NELL1: variants seen among roughly 807,000 people sequenced by gnomAD.
NELL1 encodes the protein neural EGFL like 1.
A neutral mutation model predicts 107.4 loss-of-function variants in NELL1; 76 were observed. The observed-to-expected ratio is 0.71, with a 90% CI of 0.59 to 0.86. The LOEUF (loss-of-function observed/expected upper bound fraction) is 0.86. Among genes scored for constraint, NELL1 ranks in the 40% least tolerant of loss-of-function variants. The probability of loss-of-function intolerance (pLI) is 0.00; values close to 1 mark genes in which losing one functional copy is unlikely to be tolerated. For missense variants in NELL1, 1,024 were observed against 1,005.5 expected (o/e 1.02, Z -0.25); for synonymous variants, 353 against 341.2 (o/e 1.03, Z -0.38).
intron 14 of NELL1, among the ~76,000 whole-genome samples, chr11:21,350,962 TA>T (rs1850797854): frequency 6.6e-6 from 1 of 152,084 alleles, no homozygotes; most frequent in African/African-American, 2.4e-5. Flanking sequence ...GTAGTTAAGT[TA>T]AAGATCTTAA....
intron 4 of NELL1, among the ~76,000 whole-genome samples, chr11:20,848,832 T>C (rs1848746968): frequency 6.6e-6 from 1 of 152,222 alleles, no homozygotes; most frequent in Admixed American, 6.5e-5. Context: ...CAGGGAACTG[T>C]TGTCAGGCTC....
chr11:21,575,411 T>C lies in NELL1; in HGVS notation c.*389T>C. ...GAGACTCAGCTCCTTTTATTTATTT[T>C]GTTGATTTATGGATCAAATTCTAAA... On this transcript the variant is annotated 3_prime_UTR_variant, in exon 20 of 20. Transcript: ENST00000357134. The C allele has an allele frequency of 5.9e-6, 1 of 169,146 alleles. No homozygotes were observed. The highest frequency in any genetic ancestry group is 1.6e-4 in the South Asian group (1 of 6,236). 10.5% of individuals were successfully genotyped at this position (169,146 alleles called of 1,614,324 possible). A position where few individuals can be genotyped will look rare whatever the true frequency, so the allele number is the denominator to read the frequency against.
intron 7 of NELL1, among the ~76,000 whole-genome samples, chr11:20,924,103 A>T (rs1169429379): frequency 6.6e-6 from 1 of 152,238 alleles, no homozygotes; most frequent in Admixed American, 6.5e-5. Flanking sequence ...GAATCTGCAG[A>T]CAATCTTAGA....
At chr11:21,275,416 C>A (rs1442570916) in intron 14 of NELL1, among the ~76,000 whole-genome samples, 2 of 152,178 alleles carry the variant, frequency 1.3e-5, no homozygotes, top group East Asian at 3.9e-4. Context: ...TAATAGCTTA[C>A]CAACCAAAAA....
chr11:20,974,213 G>A (rs1851558437), intron 12 of NELL1, among the ~76,000 whole-genome samples: 1 of 152,204 alleles, frequency 6.6e-6, no homozygotes, highest in South Asian at 2.1e-4. Flanking sequence ...CTGGTGGTAT[G>A]AGGTGGGACA....
intron 2 of NELL1, among the ~76,000 whole-genome samples, chr11:20,695,265 C>A (rs548040291): frequency 1.3e-5 from 2 of 152,106 alleles, no homozygotes; most frequent in South Asian, 2.1e-4. Context: ...TTTTTCTTTT[C>A]CTATTTGGAT....
chr11:20,991,518 A>C (rs1851970728), intron 12 of NELL1, among the ~76,000 whole-genome samples: 1 of 152,236 alleles, frequency 6.6e-6, no homozygotes, highest in Admixed American at 6.5e-5. Flanking sequence ...GTTCAGCTAG[A>C]TCTTGGGCTA....
chr11:20,976,510 G>T (rs1314917107), intron 12 of NELL1, among the ~76,000 whole-genome samples: 1 of 152,024 alleles, frequency 6.6e-6, no homozygotes, highest in African/African-American at 2.4e-5. Flanking sequence ...ATTTCTTAAA[G>T]TTTATTCCAT....
At chr11:21,380,933 T>C (rs1851591919) in intron 15 of NELL1, among the ~76,000 whole-genome samples, 3 of 152,078 alleles carry the variant, frequency 2.0e-5, no homozygotes, top group Non-Finnish European at 4.4e-5. Context: ...TTTACATTAA[T>C]CTACTATACA....
intron 2 of NELL1, among the ~76,000 whole-genome samples, chr11:20,782,155 A>C (rs1856863796): frequency 6.6e-6 from 1 of 152,152 alleles, no homozygotes. Context: ...TGTCATCTGG[A>C]ATATCTTTGG....
rs142632731 is a variant in NELL1, at chr11:20,683,766, G to A, written c.184+5706G>A. Among the ~76,000 whole-genome samples the A allele has an allele frequency of 5.7e-3, 874 of 152,116 alleles. 5 individuals carry two copies. Among genetic ancestry groups the A allele is most frequent in the Non-Finnish European group, 8.1e-3 (552 of 67,976 alleles). ...TAAGTATAAAATTCTGTGCCGACAG[G>A]TTTTTGTCCCCATTCTTTAAAGATG... On this transcript the variant is annotated intron_variant, in intron 2 of 19. Transcript: ENST00000357134.
At chr11:21,054,216 AT>A (rs1853563313) in intron 12 of NELL1, among the ~76,000 whole-genome samples, 1 of 151,800 alleles carries the variant, frequency 6.6e-6, no homozygotes, top group Non-Finnish European at 1.5e-5. Flanking sequence ...TAATATAAAT[AT>A]TTTTCTTTTT....
chr11:21,149,881 A>G (rs1856075051), intron 13 of NELL1, among the ~76,000 whole-genome samples: 1 of 152,152 alleles, frequency 6.6e-6, no homozygotes, highest in Non-Finnish European at 1.5e-5. Context: ...AAAAAGTACC[A>G]GTGAATGACA....
chr11:20,863,425 A>G, intron 4 of NELL1, among the ~76,000 whole-genome samples: 1 of 107,140 alleles, frequency 9.3e-6, no homozygotes, highest in Non-Finnish European at 2.2e-5. Flanking sequence ...CTCACTTCCC[A>G]GAAGGGGTGG....
intron 12 of NELL1, among the ~76,000 whole-genome samples, chr11:21,083,474 G>T (rs147418887): frequency 1.2e-4 from 18 of 152,156 alleles, no homozygotes; most frequent in African/African-American, 4.1e-4. Context: ...AGTGTTAACA[G>T]GTTACACACT....
chr11:21,500,383 C>T (rs1459350169), intron 15 of NELL1, among the ~76,000 whole-genome samples: 2 of 152,040 alleles, frequency 1.3e-5, no homozygotes, highest in African/African-American at 4.8e-5. Context: ...TTTCTAAATT[C>T]TCTGTAAGTA....
At chr11:21,395,736 T>TA (rs1851965625) in intron 15 of NELL1, among the ~76,000 whole-genome samples, 1 of 151,396 alleles carries the variant, frequency 6.6e-6, no homozygotes, top group Non-Finnish European at 1.5e-5. Context: ...CATTAAATAT[T>TA]AAAAGCATAA....
At chr11:20,855,221 C>T (rs1027094180) in intron 4 of NELL1, among the ~76,000 whole-genome samples, 7 of 149,624 alleles carry the variant, frequency 4.7e-5, no homozygotes, top group East Asian at 2.0e-4. Context: ...CTTTCGTTAA[C>T]GATTGCCTCA....
chr11:20,797,245 A>T (rs571886708), intron 3 of NELL1, among the ~76,000 whole-genome samples: 51 of 152,212 alleles, frequency 3.4e-4, no homozygotes, highest in South Asian at 1.2e-3. Context: ...AATGGCATGG[A>T]GGGGGCAAAA....
Sources: allele counts gnomAD v4.1 joint callset (sites outside exome capture counted in the v4.1 genomes callset), GRCh38; gene constraint gnomAD v4.1.1; transcripts MANE v1.5; gene names NCBI Gene and HGNC (gene_info 2026-07-23, HGNC 2026-07-21).